The following WNT9B variants were observed in gnomAD, a reference collection of about 807,000 sequenced individuals.
WNT9B encodes the protein protein Wnt-9b.
A neutral mutation model predicts 30.2 loss-of-function variants in WNT9B; 12 were observed. That is an observed-to-expected ratio of 0.40 (90% CI 0.26 to 0.64). WNT9B has a LOEUF of 0.64. WNT9B is among the 30% of genes least tolerant of loss of function. The probability of loss-of-function intolerance (pLI) is 0.42; values close to 1 mark genes in which losing one functional copy is unlikely to be tolerated. For missense variants in WNT9B, 442 were observed against 485.2 expected, an observed-to-expected ratio of 0.91 and a Z score of 0.84; for synonymous variants, 218 against 216.9, an observed-to-expected ratio of 1.01 and a Z score of -0.05.
intron 1 of WNT9B, among the ~76,000 whole-genome samples, chr17:46,858,977 GC>G (rs985356323): frequency 2.1e-5 from 3 of 141,002 alleles, no homozygotes; most frequent in African/African-American, 5.5e-5. Context: ...TATAATTTTA[GC>G]TTTTTTTTTT....
intron 2 of WNT9B, among the ~76,000 whole-genome samples, chr17:46,874,371 C>T (rs2085307232): frequency 6.6e-6 from 1 of 152,116 alleles, no homozygotes; most frequent in African/African-American, 2.4e-5. Context: ...GAAATGGGCC[C>T]ATCCAAATGG....
At chr17:46,850,505 C>T (rs1679596560), upstream of WNT9B, among the ~76,000 whole-genome samples, 1 of 152,180 alleles carries the variant, frequency 6.6e-6, no homozygotes, top group Admixed American at 6.5e-5. Flanking sequence ...AAGCCAAGGT[C>T]GCAGTCACTT....
chr17:46,833,272 G>A (rs987413517), exon 1 of WNT9B: 7 of 467,008 alleles, frequency 1.5e-5, no homozygotes, highest in African/African-American at 1.2e-4. Context: ...CTCCCTGGGT[G>A]ATGGCTCCTT....
chr17:46,840,353 T>C lies in WNT9B; in HGVS notation c.95+6913T>C, dbSNP rs2084698913. ...CACCCGCCTCGGCCTCCCAAAGTGC[T>C]GGGATTACAGGCGCGAGCCACGGTG... On this transcript the variant is annotated intron_variant, in intron 1 of 2. Transcript: ENST00000575372. 2.0e-5 allele frequency among the ~76,000 whole-genome samples: 3 copies of C among 152,196 alleles called. No homozygotes were observed. The South Asian group carries it at 6.2e-4, about 31-fold the overall frequency.
intron 1 of WNT9B, among the ~76,000 whole-genome samples, chr17:46,872,168 C>T (rs1405582637): frequency 6.6e-6 from 1 of 152,094 alleles, no homozygotes; most frequent in Admixed American, 6.5e-5. Context: ...ATTCCCAGGC[C>T]CAATTCCAAA....
chr17:46,835,379 T>G (rs1234844807), intron 1 of WNT9B, among the ~76,000 whole-genome samples: 2 of 151,982 alleles, frequency 1.3e-5, no homozygotes, highest in African/African-American at 2.4e-5. Flanking sequence ...GCCCAGCTAA[T>G]TTTTAATATT....
At chr17:46,841,999 T>G (rs1182735683) in intron 1 of WNT9B, among the ~76,000 whole-genome samples, 1 of 152,158 alleles carries the variant, frequency 6.6e-6, no homozygotes, top group African/African-American at 2.4e-5. Flanking sequence ...GGGGCGCTCC[T>G]GCAGAAGGCT....
At chr17:46,856,575 C>G (rs936658774) in intron 1 of WNT9B, among the ~76,000 whole-genome samples, 1 of 151,714 alleles carries the variant, frequency 6.6e-6, no homozygotes, top group Non-Finnish European at 1.5e-5. Context: ...GCCTCCGCCT[C>G]CCGGTTCAAG....
chr17:46,839,142 T>C (rs1181343720), intron 1 of WNT9B, among the ~76,000 whole-genome samples: 1 of 152,210 alleles, frequency 6.6e-6, no homozygotes, highest in Admixed American at 6.5e-5. Flanking sequence ...CCTCCCAAAG[T>C]ACTGGGATTA....
chr17:46,874,061 C>T (rs944143953), intron 2 of WNT9B, among the ~76,000 whole-genome samples: 5 of 151,762 alleles, frequency 3.3e-5, no homozygotes, highest in African/African-American at 4.8e-5. Context: ...CTGCTCTCCA[C>T]GGTCTGCAGC....
At chr17:46,852,685 T>C (rs2084874182) in intron 1 of WNT9B, among the ~76,000 whole-genome samples, 1 of 152,106 alleles carries the variant, frequency 6.6e-6, no homozygotes, top group Non-Finnish European at 1.5e-5. Context: ...CTCCAATATG[T>C]ACAGCCTGTT....
downstream of WNT9B, among the ~76,000 whole-genome samples, chr17:46,881,736 G>T (rs1245949872): frequency 6.6e-6 from 1 of 152,082 alleles, no homozygotes; most frequent in African/African-American, 2.4e-5. Context: ...TACCCTACCC[G>T]CAATATCCCT....
intron 1 of WNT9B, among the ~76,000 whole-genome samples, chr17:46,860,620 A>G (rs137997193): frequency 2.6e-5 from 4 of 152,328 alleles, no homozygotes; most frequent in African/African-American, 4.8e-5. Context: ...TTCAAATGCT[A>G]TCTCTATATA....
intron 1 of WNT9B, among the ~76,000 whole-genome samples, chr17:46,845,158 C>G (rs558003211): frequency 1.3e-5 from 2 of 152,272 alleles, no homozygotes; most frequent in South Asian, 4.1e-4. Flanking sequence ...CTCCTTCCTC[C>G]TTCTTTTGAG....
intron 1 of WNT9B, among the ~76,000 whole-genome samples, chr17:46,860,035 A>G (rs1157871705): frequency 6.6e-6 from 1 of 152,170 alleles, no homozygotes; most frequent in Non-Finnish European, 1.5e-5. Flanking sequence ...GGAAAGGTAA[A>G]AGAAATTTTA....
chr17:46,854,771 C>T (rs1348620341), intron 1 of WNT9B, among the ~76,000 whole-genome samples: 2 of 152,120 alleles, frequency 1.3e-5, no homozygotes, highest in South Asian at 2.1e-4. Flanking sequence ...AGCAATTTTC[C>T]TGCCTCAGCT....
downstream of WNT9B, among the ~76,000 whole-genome samples, chr17:46,884,809 TG>T (rs1317302738): frequency 2.0e-5 from 3 of 152,104 alleles, no homozygotes; most frequent in African/African-American, 7.2e-5. Flanking sequence ...AGGCGACAGC[TG>T]GACTGGGATT....
chr17:46,880,747 G>A (rs1204394831), downstream of WNT9B, among the ~76,000 whole-genome samples: 2 of 152,170 alleles, frequency 1.3e-5, no homozygotes, highest in East Asian at 3.9e-4. Flanking sequence ...CACTGGTATA[G>A]GTCGGGCAGG....
chr17:46,851,653 C>T lies in WNT9B; in HGVS notation c.15C>T (p.Pro5=). The change falls in exon 1 of 4, where the codon CCC becomes CCT. Residue 5 remains proline, a synonymous_variant. Transcript: ENST00000290015. This position sits in a 1 kb window ranked among gnomAD's most constrained non-coding sequence, Gnocchi z 4.3. MRPP[P]ALALAGLCLL... ...CCGCCAGCACCATGCGCCCCCCGCC[C>T]GCGCTGGCCCTGGCCGGGCTCTGCC... is the stretch of plus-strand genomic sequence containing the variant. 7.8e-7 allele frequency: 1 copy of T among 1,284,382 alleles called. No individual in the cohort carries two copies. The highest frequency in any genetic ancestry group is 9.8e-7 in the Non-Finnish European group (1 of 1,020,654). The allele number at this position is 1,284,382 out of a possible 1,614,324, so 79.6% of individuals were successfully genotyped here. A position where few individuals can be genotyped will look rare whatever the true frequency, so the allele number is the denominator to read the frequency against.
Sources: allele counts gnomAD v4.1 joint callset (sites outside exome capture counted in the v4.1 genomes callset), GRCh38; gene constraint gnomAD v4.1.1; non-coding constraint Gnocchi (gnomAD v3.1); transcripts MANE v1.5; gene names NCBI Gene and HGNC (gene_info 2026-07-23, HGNC 2026-07-21).